The following CLUH variants were observed in gnomAD, a reference collection of about 807,000 sequenced individuals.
CLUH encodes clustered mitochondria protein homolog.
CLUH carries 77 observed loss-of-function variants against 139.3 expected under a neutral mutation model. The observed-to-expected ratio is 0.55, with a 90% CI of 0.46 to 0.67. The LOEUF is 0.67. Ranked by LOEUF, CLUH falls within the 30% of genes least tolerant of loss-of-function variation. The pLI is 0.00. For missense variants in CLUH, 1,876 were observed against 1,875.8 expected, an observed-to-expected ratio of 1.00 and a Z score of 0.00; for synonymous variants, 999 against 801.6, an observed-to-expected ratio of 1.25 and a Z score of -4.16.
At position 2,698,452 on chromosome 17, in the gene CLUH, C is replaced by G. The variant is rs1357385594; in HGVS notation, c.1405G>C (p.Asp469His). The change falls in exon 10 of 26, where the codon GAC (aspartate) becomes CAC (histidine). Residue 469 changes from aspartate to histidine, a missense_variant. By Grantham distance (81) the Asp-to-His change is moderately conservative (BLOSUM62 -1). Around this residue, in one of 3 missense-constraint regions of CLUH, gnomAD observed 1,454 missense variants for 1,384.4 expected, o/e 1.05. Coordinates refer to ENST00000651024, the MANE Select transcript of CLUH (RefSeq NM_001366661.1). The part of the protein sequence containing the change: ...WNNIFFSLGF[D>H]VRDHYKDFGG... ...AAGTCCTTGTAGTGGTCTCGGACGTCGAAGCCCAGGCTGAAGAAGATGTTG... is the reference window on the plus strand; with the variant it reads ...AAGTCCTTGTAGTGGTCTCGGACGTGGAAGCCCAGGCTGAAGAAGATGTTG... The G allele has an allele frequency of 6.2e-7, 1 of 1,613,346 alleles. No individual in the cohort carries two copies. Among genetic ancestry groups the G allele is most frequent in the Non-Finnish European group, 8.5e-7 (1 of 1,179,850 alleles).
intron 19 of CLUH, among the ~76,000 whole-genome samples, chr17:2,693,327 T>G (rs1052977627): frequency 1.3e-5 from 2 of 151,766 alleles, no homozygotes; most frequent in Non-Finnish European, 2.9e-5. Context: ...GCCCAGGAGG[T>G]TGAGGCTGCA....
rs1363541361 is a variant in CLUH, at chr17:2,696,556, C to T, written c.2186-18G>A. 8.4e-6 allele frequency: 13 copies of T among 1,555,414 alleles called. No homozygotes were observed. Among genetic ancestry groups the T allele is most frequent in the Non-Finnish European group, 1.0e-5 (12 of 1,154,204 alleles). On this transcript the variant is annotated intron_variant, in intron 11 of 25. Transcript: ENST00000651024. The stretch of plus-strand genomic sequence containing the variant: ...AGGGTCTGCTGTGGAGACATGGCTC[C>T]ATGAGACACGGGTCCCCTCTGCCAC...
rs1375510550 is a variant in CLUH at position 2,691,749 on chromosome 17, C to T, written c.3789+12G>A. On this transcript the variant is annotated intron_variant, in intron 24 of 25. Transcript: ENST00000651024. ...TCGCCGGGCCGGAGGGGCCGCTCCGCCCCGGACTCACCTTGAGGGGCGGGA... is the reference window on the plus strand; with the variant it reads ...TCGCCGGGCCGGAGGGGCCGCTCCGTCCCGGACTCACCTTGAGGGGCGGGA... 8.8e-6 allele frequency: 14 copies of T among 1,597,056 alleles called. No individual in the cohort carries two copies. The highest frequency in any genetic ancestry group is 1.7e-5 in the Admixed American group (1 of 57,414).
At chr17:2,696,974 C>A (rs930638409) in intron 10 of CLUH, 32 bp from the exon 11 acceptor site, 2 of 1,481,222 alleles carry the variant, frequency 1.4e-6, no homozygotes, top group Non-Finnish European at 1.8e-6. Context: ...AGAGCAGGAG[C>A]TGGACATCGG....
chr17:2,699,330 G>T (rs982395647), intron 9 of CLUH, among the ~76,000 whole-genome samples: 1 of 152,124 alleles, frequency 6.6e-6, no homozygotes, highest in Non-Finnish European at 1.5e-5. Flanking sequence ...ACTATGGGAG[G>T]TTGGTTGTTT....
In CLUH at chr17:2,691,801, A is replaced by T; in HGVS notation, c.3749T>A (p.Ile1250Asn). 1.9e-6 allele frequency: 3 copies of T among 1,585,444 alleles called. No individual in the cohort carries two copies. Among genetic ancestry groups the T allele is most frequent in the Non-Finnish European group, 2.6e-6 (3 of 1,166,540 alleles). Reference sequence around the variant, plus strand: ...GTTGGCGCTGGAGCCGTTGCGGTAGATCTCGTTCATGGTGCGCTGCAGGGC... The same window carrying T: ...GTTGGCGCTGGAGCCGTTGCGGTAGTTCTCGTTCATGGTGCGCTGCAGGGC... The part of the protein sequence containing the change: ...AVALQRTMNE[I>N]YRNGSSANIP... Residue 1250 changes from isoleucine (I) to asparagine (N), a missense_variant, in exon 24 of 26, where the codon ATC becomes AAC. Physicochemically the swap from Ile to Asn is moderately radical, Grantham distance 149. This residue lies in a region of CLUH where 1,454 missense variants were observed against 1,384.4 expected (regional missense o/e 1.05). Transcript: ENST00000651024.
At position 2,692,865 on chromosome 17, in the gene CLUH, GGA is replaced by G; in HGVS notation, c.3232-7_3232-6del. ...CTTCTGCTGGTTACTCAGGGCCTGG[GGA>G]GAGACAGTGGTGGTTGCCGCGGCGT... is the stretch of plus-strand genomic sequence containing the variant. On this transcript the variant is annotated splice_region_variant and splice_polypyrimidine_tract_variant and intron_variant, in intron 19 of 25. Transcript: ENST00000651024. 1 of 1,585,740 alleles carries G rather than the reference GGA, an allele frequency of 6.3e-7. No homozygotes were observed. The highest frequency in any genetic ancestry group is 8.6e-7 in the Non-Finnish European group (1 of 1,163,676).
chr17:2,703,552 A>G lies in CLUH; in HGVS notation c.304-63T>C. 1 of 1,550,534 alleles carries G rather than the reference A, an allele frequency of 6.4e-7. No individual in the cohort carries two copies. Among genetic ancestry groups the G allele is most frequent in the Non-Finnish European group, 8.8e-7 (1 of 1,135,848 alleles). Reference sequence around the variant, plus strand: ...CACGTAGCGGGGAGAGAAGGCCCCAACCGCCCCGGTGAGAGGCCACGTAGC... The same window carrying G: ...CACGTAGCGGGGAGAGAAGGCCCCAGCCGCCCCGGTGAGAGGCCACGTAGC... On this transcript the variant is annotated intron_variant, in intron 2 of 25. Transcript: ENST00000651024. The surrounding 1 kb of genome is among the most constrained non-coding windows in gnomAD (Gnocchi z 4.2).
In CLUH at chr17:2,689,530, A is replaced by G. The variant is rs1017869050; in HGVS notation, c.*1064T>C. On this transcript the variant is annotated 3_prime_UTR_variant, in exon 26 of 26. Transcript: ENST00000651024. Reference sequence around the variant, plus strand: ...CCCTTGAAACAAGGTGTCTGGACGGACCACACCCATAAGCGGCTCTCCGCA... The same window carrying G: ...CCCTTGAAACAAGGTGTCTGGACGGGCCACACCCATAAGCGGCTCTCCGCA... 1.3e-5 allele frequency: 2 copies of G among 152,734 alleles called. No individual in the cohort carries two copies. Among genetic ancestry groups the G allele is most frequent in the African/African-American group, 2.4e-5 (1 of 41,444 alleles). The allele number at this position is 152,734 out of a possible 1,614,324, so 9.5% of individuals were successfully genotyped here. A position where few individuals can be genotyped will look rare whatever the true frequency, so the allele number is the denominator to read the frequency against.
Position 2,701,421 on chromosome 17 carries a change from C to T in CLUH, c.844G>A (p.Ala282Thr), listed in dbSNP as rs1191062948. 6.2e-7 allele frequency: 1 copy of T among 1,612,578 alleles called. No homozygotes were observed. The highest frequency in any genetic ancestry group is 1.7e-5 in the Admixed American group (1 of 59,810). Residue 282 changes from alanine to threonine, a missense_variant, in exon 6 of 26, where the codon GCC (alanine) becomes ACC (threonine). Around this residue, in one of 3 missense-constraint regions of CLUH, gnomAD observed 270 missense variants for 354.7 expected, o/e 0.76. Coordinates refer to ENST00000651024, the MANE Select transcript of CLUH (RefSeq NM_001366661.1). ...GTGATGCTGACTTGCCGGTCCTCGG[C>T]TGTGATCACAAACAGGTACATGAGG... ...GDLMYLFVITAEDRQVSITAS... is the reference protein window; with the variant it reads ...GDLMYLFVITTEDRQVSITAS...
Position 2,691,981 on chromosome 17 carries a change from CCCGCCACGCCCCCG to C in CLUH, c.3654+9_3654+22del. On this transcript the variant is annotated intron_variant, in intron 23 of 25. Transcript: ENST00000651024. ...GCCACGCCCCCGCCCCGCCCCCGCC[CCCGCCACGCCCCCG>C]CCGCGCACCTGCGTCTTGTAGATGG... 2.7e-6 allele frequency: 2 copies of C among 738,032 alleles called. No homozygotes were observed. Among genetic ancestry groups the C allele is most frequent in the Non-Finnish European group, 3.3e-6 (2 of 597,622 alleles). 45.7% of individuals were successfully genotyped at this position (738,032 alleles called of 1,614,324 possible). A position where few individuals can be genotyped will look rare whatever the true frequency, so the allele number is the denominator to read the frequency against.
Position 2,692,288 on chromosome 17 carries a change from G to A in CLUH, c.3560+73C>T, listed in dbSNP as rs558760283. On this transcript the variant is annotated intron_variant, in intron 22 of 25. Coordinates refer to ENST00000651024, the MANE Select transcript of CLUH (RefSeq NM_001366661.1). Reference sequence around the variant, plus strand: ...GGGTGGAGGAAGACAGGAGCACTGGGTCTCTTCCCCGCCCCCGCCGGCTGC... The same window carrying A: ...GGGTGGAGGAAGACAGGAGCACTGGATCTCTTCCCCGCCCCCGCCGGCTGC... 13 of 1,471,590 alleles carry A rather than the reference G, an allele frequency of 8.8e-6. 1 individual carries two copies. In the South Asian group the frequency reaches 1.7e-4, roughly 20 times the overall value. 91.2% of individuals were successfully genotyped at this position (1,471,590 alleles called of 1,614,324 possible). A position where few individuals can be genotyped will look rare whatever the true frequency, so the allele number is the denominator to read the frequency against.
chr17:2,698,222 G>A lies in CLUH; in HGVS notation c.1635C>T (p.Phe545=), dbSNP rs368746889. The A allele has an allele frequency of 2.5e-6, 4 of 1,588,180 alleles. No homozygotes were observed. The highest frequency in any genetic ancestry group is 1.7e-4 in the Middle Eastern group (1 of 6,046). The change falls in exon 10 of 26, where the codon TTC becomes TTT. Residue 545 remains phenylalanine, a synonymous_variant. Coordinates refer to ENST00000651024, the MANE Select transcript of CLUH (RefSeq NM_001366661.1). Reference sequence around the variant, plus strand: ...GCGGGTGTGACACCACGGTCTTGCCGAAGTCGATGGAGCCGTAGATGACGC... The same window carrying A: ...GCGGGTGTGACACCACGGTCTTGCCAAAGTCGATGGAGCCGTAGATGACGC... ...EQSVIYGSID[F]GKTVVSHPRY...
chr17:2,694,834 C>T (rs1286327194), intron 16 of CLUH, 23 bp downstream of exon 16: 1 of 1,469,574 alleles, frequency 6.8e-7, no homozygotes, highest in Non-Finnish European at 9.0e-7. Flanking sequence ...CCACCCACCC[C>T]ACCGCCCCTG....
chr17:2,707,503 G>A lies in CLUH; in HGVS notation c.101-2939C>T. On this transcript the variant is annotated intron_variant, in intron 1 of 25. Coordinates refer to ENST00000651024, the MANE Select transcript of CLUH (RefSeq NM_001366661.1). The surrounding 1 kb of genome is among the most constrained non-coding windows in gnomAD (Gnocchi z 7.4). ...CAGGGGGAGCTGCTATCAGCACTCA[G>A]GCCCACCTCCCTATGCCCCCTAGAG... is the stretch of plus-strand genomic sequence containing the variant. The A allele has an allele frequency of 4.1e-6, 4 of 985,390 alleles. No individual in the cohort carries two copies. In the African/African-American group the frequency reaches 7.0e-5, roughly 17 times the overall value. The allele number at this position is 985,390 out of a possible 1,614,324, so 61.0% of individuals were successfully genotyped here.
chr17:2,702,058 C>T lies in CLUH; in HGVS notation c.476-1G>A. 1 of 1,613,192 alleles carries T rather than the reference C, an allele frequency of 6.2e-7. No individual in the cohort carries two copies. Among genetic ancestry groups the T allele is most frequent in the Non-Finnish European group, 8.5e-7 (1 of 1,179,624 alleles). ...CGGGCCTCACGCACCGTGTACGGCT[C>T]TGTCAGGAAGGCAGGGAGGGTATGG... is the stretch of plus-strand genomic sequence containing the variant. On this transcript the variant is annotated splice_acceptor_variant, in intron 3 of 25. Coordinates refer to ENST00000651024, the MANE Select transcript of CLUH (RefSeq NM_001366661.1). LOFTEE classifies it high-confidence loss of function.
rs778638092 is a variant in CLUH, at chr17:2,698,199, G to C, written c.1658C>G (p.Pro553Arg). The C allele has an allele frequency of 6.3e-7, 1 of 1,578,412 alleles. No individual in the cohort carries two copies. Among genetic ancestry groups the C allele is most frequent in the Non-Finnish European group, 8.6e-7 (1 of 1,163,192 alleles). The change falls in exon 10 of 26, where the codon CCG (proline) becomes CGG (arginine). Residue 553 changes from proline to arginine, a missense_variant. By Grantham distance (103) the Pro-to-Arg change is moderately radical. Around this residue, in one of 3 missense-constraint regions of CLUH, gnomAD observed 1,454 missense variants for 1,384.4 expected, o/e 1.05. Coordinates refer to ENST00000651024, the MANE Select transcript of CLUH (RefSeq NM_001366661.1). ...GCGCTCCAGCAGCTCCAGGTACCGC[G>C]GGTGTGACACCACGGTCTTGCCGAA... The part of the protein sequence containing the change: ...IDFGKTVVSH[P>R]RYLELLERTS...
At chr17:2,700,585 T>G (rs571121116) in intron 8 of CLUH, 93 bp downstream of exon 8, 2 of 1,533,516 alleles carry the variant, frequency 1.3e-6, no homozygotes, top group African/African-American at 2.7e-5. Context: ...CCAAATGAAG[T>G]CAAGCATGGG....
rs1348162597 is a variant in CLUH at position 2,691,626 on chromosome 17, G to A, written c.3846C>T (p.Ile1282=). ...VLEQLNVING[I]LFIPLSQKDL... is the part of the protein sequence containing the mutation. ...GGCCTCACCTGAGAGGAATGAAGAG[G>A]ATGCCGTTAATGACGTTCAGCTGCT... Residue 1282 remains isoleucine (I), a synonymous_variant, in exon 25 of 26, where the codon ATC becomes ATT. Transcript: ENST00000651024. 1.1e-5 allele frequency: 17 copies of A among 1,612,590 alleles called. No individual in the cohort carries two copies. The highest frequency in any genetic ancestry group is 1.3e-5 in the African/African-American group (1 of 74,878).
Sources: gnomAD v4.1 joint callset for allele counts (sites outside exome capture counted in the v4.1 genomes callset) on GRCh38, gnomAD v4.1.1 for gene constraint, gnomAD v4.1.1 regional missense constraint, Gnocchi (gnomAD v3.1) non-coding constraint, MANE v1.5 for transcripts, NCBI Gene and HGNC (gene_info 2026-07-23, HGNC 2026-07-21) for gene names.